Variants in SEMA5A observed in about 807,000 individuals in gnomAD.
SEMA5A encodes semaphorin-5A.
Under a neutral mutation model 135.5 loss-of-function variants are expected in SEMA5A, and 55 were observed. The ratio of observed to expected loss-of-function variants is 0.41; its 90% CI spans 0.33 to 0.51. The LOEUF (loss-of-function observed/expected upper bound fraction) is 0.51, where lower values mean the gene tolerates loss of function less well. Among genes scored for constraint, SEMA5A ranks in the 20% least tolerant of loss-of-function variants. The pLI, the probability that SEMA5A is intolerant of heterozygous loss-of-function variation, is 0.37. For synonymous variants in SEMA5A, 580 were observed against 546.5 expected (o/e 1.06, Z -0.85); for missense variants, 1,290 against 1,419.9 (o/e 0.91, Z 1.47).
chr5:9,051,296 A>C (rs1003248073), intron 20 of SEMA5A, among the ~76,000 whole-genome samples: 3 of 152,228 alleles, frequency 2.0e-5, no homozygotes, highest in African/African-American at 7.2e-5. Flanking sequence ...CACAGTGGAC[A>C]TATGCGCAAT....
At chr5:9,287,852 A>T (rs1647494635) in intron 5 of SEMA5A, among the ~76,000 whole-genome samples, 1 of 152,100 alleles carries the variant, frequency 6.6e-6, no homozygotes, top group Admixed American at 6.6e-5. Context: ...ATGGCAAAGT[A>T]ACTTAAAAAT....
chr5:9,246,098 T>C (rs779712691), intron 5 of SEMA5A, among the ~76,000 whole-genome samples: 1 of 151,376 alleles, frequency 6.6e-6, no homozygotes, highest in African/African-American at 2.4e-5. Context: ...TTCAAAAATA[T>C]TTCTAAGGTA....
intron 20 of SEMA5A, 91 bp downstream of exon 20, chr5:9,051,782 A>G: frequency 1.3e-6 from 2 of 1,519,354 alleles, no homozygotes; most frequent in South Asian, 1.2e-5. Flanking sequence ...ATTTCACCAA[A>G]TAAGCCAAAT....
At chr5:9,337,921 G>A (rs529574799) in intron 3 of SEMA5A, 109 bp from the exon 4 acceptor site, 31 of 728,242 alleles carry the variant, frequency 4.3e-5, no homozygotes, top group South Asian at 3.6e-4. Flanking sequence ...GAGAGGATTC[G>A]GAGGTCCCTC....
chr5:9,258,803 C>CTTTTGTTTTTTTTTTTTTTTTTTTTTTT (rs1749230125), intron 5 of SEMA5A, among the ~76,000 whole-genome samples: 1 of 48,984 alleles, frequency 2.0e-5, no homozygotes, highest in Admixed American at 3.7e-4. Flanking sequence ...TTCTTTCTTT[C>CTTTTGTTTTTTTTTTTTTTTTTTTTTTT]TTTTTTTTTT....
chr5:9,353,354 G>GGA (rs1754288041), intron 3 of SEMA5A, among the ~76,000 whole-genome samples: 6 of 54,414 alleles, frequency 1.1e-4, no homozygotes, highest in Admixed American at 2.1e-4. Flanking sequence ...AAAGGAAAGG[G>GGA]AAGGAAAGGA....
intron 5 of SEMA5A, among the ~76,000 whole-genome samples, chr5:9,269,446 G>C (rs372315624): frequency 6.6e-6 from 1 of 152,100 alleles, no homozygotes; most frequent in African/African-American, 2.4e-5. Flanking sequence ...GTTCTGGCTT[G>C]GTTTTGATTA....
chr5:9,224,576 T>G, intron 8 of SEMA5A, 98 bp downstream of exon 8: 1 of 1,038,234 alleles, frequency 9.6e-7, no homozygotes, highest in Non-Finnish European at 1.5e-6. Flanking sequence ...GATGAAGAAT[T>G]CATTTTTATT....
chr5:9,190,989 T>G (rs180879266), intron 10 of SEMA5A, among the ~76,000 whole-genome samples: 7 of 152,310 alleles, frequency 4.6e-5, no homozygotes, highest in African/African-American at 1.4e-4. Flanking sequence ...AGCATTCACA[T>G]GGGCTACAAA....
chr5:9,375,318 G>A (rs1017989897), intron 3 of SEMA5A, among the ~76,000 whole-genome samples: 1 of 152,070 alleles, frequency 6.6e-6, no homozygotes, highest in Non-Finnish European at 1.5e-5. Flanking sequence ...ACTGGATTAA[G>A]GTTAGCCCTA....
chr5:9,203,877 G>A (rs40680), intron 8 of SEMA5A, among the ~76,000 whole-genome samples: 93,675 of 151,882 alleles, frequency 0.62, 33,540 homozygotes, highest in Non-Finnish European at 0.81. Flanking sequence ...TATCTTTACT[G>A]TGATAGTATG....
intron 5 of SEMA5A, among the ~76,000 whole-genome samples, chr5:9,284,112 G>GAC (rs1750678210): frequency 6.6e-6 from 1 of 151,522 alleles, no homozygotes; most frequent in South Asian, 2.1e-4. Flanking sequence ...ATATTAGAGA[G>GAC]AGAGAGAGAG....
At chr5:9,288,855 A>C (rs1750928367) in intron 5 of SEMA5A, among the ~76,000 whole-genome samples, 1 of 152,246 alleles carries the variant, frequency 6.6e-6, no homozygotes, top group Non-Finnish European at 1.5e-5. Flanking sequence ...TTGATATTTG[A>C]AAGAAGTAGA....
intron 5 of SEMA5A, among the ~76,000 whole-genome samples, chr5:9,259,448 T>C (rs905586537): frequency 2.0e-5 from 3 of 151,486 alleles, no homozygotes; most frequent in South Asian, 2.1e-4. Flanking sequence ...TCTTTTACAT[T>C]TGCTGAGGAG....
intron 1 of SEMA5A, among the ~76,000 whole-genome samples, chr5:9,524,875 C>G (rs576598057): frequency 6.6e-6 from 1 of 152,158 alleles, no homozygotes; most frequent in Non-Finnish European, 1.5e-5. Flanking sequence ...CAGTCATATA[C>G]TAACCATATA....
At chr5:9,097,426 C>A (rs1211115636) in intron 16 of SEMA5A, among the ~76,000 whole-genome samples, 1 of 152,188 alleles carries the variant, frequency 6.6e-6, no homozygotes, top group Non-Finnish European at 1.5e-5. Context: ...AAGACCACGC[C>A]ATAAGCAGCA....
chr5:9,345,933 G>T (rs1036105932), intron 3 of SEMA5A, among the ~76,000 whole-genome samples: 1 of 152,136 alleles, frequency 6.6e-6, no homozygotes, highest in Non-Finnish European at 1.5e-5. Context: ...ACATGATAGG[G>T]AGAGAAGGCA....
chr5:9,457,717 A>G (rs1758892748), intron 1 of SEMA5A, among the ~76,000 whole-genome samples: 1 of 152,154 alleles, frequency 6.6e-6, no homozygotes, highest in East Asian at 1.9e-4. Flanking sequence ...TACAACTGTA[A>G]GGATTCATCC....
intron 4 of SEMA5A, among the ~76,000 whole-genome samples, chr5:9,327,365 T>C (rs796153646): frequency 1.3e-5 from 2 of 152,318 alleles, no homozygotes; most frequent in South Asian, 4.1e-4. Flanking sequence ...TTAATACTGT[T>C]ACGTGTGTCT....
Sources: allele counts gnomAD v4.1 joint callset (sites outside exome capture counted in the v4.1 genomes callset), GRCh38; gene constraint gnomAD v4.1.1; transcripts MANE v1.5; gene names NCBI Gene and HGNC (gene_info 2026-07-23, HGNC 2026-07-21).